The following ZNF385D variants were observed in gnomAD, a reference collection of about 807,000 sequenced individuals.
ZNF385D encodes zinc finger protein 385D.
ZNF385D carries 15 observed loss-of-function variants against 35.8 expected under a neutral mutation model. That is an observed-to-expected ratio of 0.42 (90% CI 0.28 to 0.64). The LOEUF (loss-of-function observed/expected upper bound fraction) is 0.64. ZNF385D is among the 30% of genes least tolerant of loss of function. The pLI is 0.23. For synonymous variants in ZNF385D, 212 were observed against 186.8 expected (o/e 1.13, Z -1.10); for missense variants, 474 against 494.6 (o/e 0.96, Z 0.39).
At chr3:22,190,612 C>A (rs1161506557) in intron 2 of ZNF385D, among the ~76,000 whole-genome samples, 1 of 152,102 alleles carries the variant, frequency 6.6e-6, no homozygotes, top group Non-Finnish European at 1.5e-5. Context: ...ATGGGACAAG[C>A]CAACTAGGAC....
intron 3 of ZNF385D, among the ~76,000 whole-genome samples, chr3:21,786,437 A>T (rs1575647812): frequency 6.6e-6 from 1 of 152,198 alleles, no homozygotes; most frequent in East Asian, 1.9e-4. Context: ...GATTTTAAAC[A>T]TACACAATTC....
At chr3:22,171,599 G>A (rs957783120) in intron 2 of ZNF385D, among the ~76,000 whole-genome samples, 10 of 152,046 alleles carry the variant, frequency 6.6e-5, no homozygotes, top group African/African-American at 1.9e-4. Context: ...ACAGATGCCC[G>A]GGCACGGTGG....
chr3:21,791,188 T>C (rs1457066502), intron 3 of ZNF385D, among the ~76,000 whole-genome samples: 1 of 152,208 alleles, frequency 6.6e-6, no homozygotes, highest in African/African-American at 2.4e-5. Flanking sequence ...CTGAGGTATG[T>C]AAAAAGAACA....
At chr3:22,271,969 G>A (rs1701200568) in intron 2 of ZNF385D, among the ~76,000 whole-genome samples, 1 of 151,946 alleles carries the variant, frequency 6.6e-6, no homozygotes, top group African/African-American at 2.4e-5. Context: ...TACACAGTAT[G>A]ATACTCTCTC....
intron 3 of ZNF385D, among the ~76,000 whole-genome samples, chr3:21,920,457 A>G (rs1679231): frequency 0.92 from 139,028 of 151,770 alleles, 63,774 homozygotes; most frequent in East Asian, 0.98. Context: ...TACAGACAGA[A>G]ATATTAGTAG....
chr3:21,735,397 A>G (rs2069197415), intron 1 of ZNF385D, among the ~76,000 whole-genome samples: 1 of 152,164 alleles, frequency 6.6e-6, no homozygotes, highest in African/African-American at 2.4e-5. Flanking sequence ...CTGGTTGCTT[A>G]TTCGGGCTAG....
intron 2 of ZNF385D, among the ~76,000 whole-genome samples, chr3:21,654,599 C>T (rs1455666036): frequency 6.6e-6 from 1 of 152,032 alleles, no homozygotes; most frequent in Admixed American, 6.6e-5. Context: ...TGCTTCTCAA[C>T]AATCTTTGCT....
At chr3:21,572,882 G>A (rs903621235) in intron 2 of ZNF385D, among the ~76,000 whole-genome samples, 1 of 152,022 alleles carries the variant, frequency 6.6e-6, no homozygotes, top group Non-Finnish European at 1.5e-5. Flanking sequence ...GATACATGAG[G>A]CACTGCCCAT....
At position 21,420,203 on chromosome 3, in the gene ZNF385D, ATGATATAAAGGG is replaced by A. The variant is rs1281874581; in HGVS notation, c.*999_*1010del. ...TTGCCTAAGAAACAACCCTACTGGT[ATGATATAAAGGG>A]GATACTGCAGAGATGCAACATTCTC... On this transcript the variant is annotated 3_prime_UTR_variant, in exon 8 of 8. Coordinates refer to ENST00000281523, the MANE Select transcript of ZNF385D (RefSeq NM_024697.3). 6.6e-6 allele frequency: 1 copy of A among 152,236 alleles called. No individual in the cohort carries two copies. Among genetic ancestry groups the A allele is most frequent in the Non-Finnish European group, 1.5e-5 (1 of 68,034 alleles). 9.4% of individuals were successfully genotyped at this position (152,236 alleles called of 1,614,324 possible).
intron 3 of ZNF385D, among the ~76,000 whole-genome samples, chr3:21,532,967 T>C (rs2125538826): frequency 6.6e-6 from 1 of 152,306 alleles, no homozygotes; most frequent in Non-Finnish European, 1.5e-5. Context: ...TTCACACAGG[T>C]CCAGAAATCT....
chr3:22,344,533 T>G (rs6782534), intron 2 of ZNF385D, among the ~76,000 whole-genome samples: 2 of 152,004 alleles, frequency 1.3e-5, no homozygotes, highest in African/African-American at 2.4e-5. Flanking sequence ...AGGACTACAG[T>G]TGCATACCAC....
intron 3 of ZNF385D, among the ~76,000 whole-genome samples, chr3:21,514,842 A>C (rs1707457253): frequency 1.3e-5 from 2 of 152,028 alleles, no homozygotes; most frequent in Non-Finnish European, 2.9e-5. Flanking sequence ...TTTTTCTTTT[A>C]ACACTTTAAA....
At chr3:21,827,085 T>C (rs1171667488) in intron 3 of ZNF385D, among the ~76,000 whole-genome samples, 2 of 152,174 alleles carry the variant, frequency 1.3e-5, no homozygotes, top group African/African-American at 2.4e-5. Context: ...TAAATACCTA[T>C]TTTACATAGT....
chr3:22,002,538 C>T (rs1222192703), intron 3 of ZNF385D, among the ~76,000 whole-genome samples: 3 of 152,058 alleles, frequency 2.0e-5, no homozygotes, highest in Admixed American at 1.3e-4. Context: ...CTATCTATTC[C>T]AAAAATTGAA....
At chr3:22,049,108 C>G (rs1444670528) in intron 3 of ZNF385D, among the ~76,000 whole-genome samples, 1 of 151,782 alleles carries the variant, frequency 6.6e-6, no homozygotes, top group Non-Finnish European at 1.5e-5. Flanking sequence ...ACCACCCTGA[C>G]CAACATGGTG....
intron 2 of ZNF385D, among the ~76,000 whole-genome samples, chr3:22,238,305 A>C (rs1220803219): frequency 2.7e-5 from 4 of 150,902 alleles, no homozygotes; most frequent in Admixed American, 6.6e-5. Flanking sequence ...GGTCCCTTGC[A>C]TTTCCATATG....
chr3:21,750,858 A>G lies in ZNF385D; in HGVS notation c.22+37T>C, dbSNP rs1361749055. On this transcript the variant is annotated intron_variant, in intron 1 of 7. Transcript: ENST00000281523. ...CTTGTCTGCACGGATGAAGAGCCGGACACCCCCAGAATTACATCATCAGAG... is the reference window on the plus strand; with the variant it reads ...CTTGTCTGCACGGATGAAGAGCCGGGCACCCCCAGAATTACATCATCAGAG... 6.8e-6 allele frequency: 11 copies of G among 1,613,102 alleles called. No homozygotes were observed. In the South Asian group the frequency reaches 1.1e-4, roughly 16 times the overall value.
At chr3:21,924,992 A>T (rs1700653049) in intron 3 of ZNF385D, among the ~76,000 whole-genome samples, 1 of 152,136 alleles carries the variant, frequency 6.6e-6, no homozygotes. Context: ...AAAACTGCAA[A>T]ACAATGATAA....
chr3:21,663,915 A>ATATATATATTTATT lies in ZNF385D; in HGVS notation c.165+970_165+971insAATAAATATATATA, dbSNP rs1159950305. 2.8e-3 allele frequency among the ~76,000 whole-genome samples: 292 copies of ATATATATATTTATT among 105,852 alleles called. 5 individuals are homozygous for ATATATATATTTATT. The highest frequency in any genetic ancestry group is 4.1e-3 in the Non-Finnish European group (212 of 51,988). 69.4% of individuals were successfully genotyped at this position (105,852 alleles called of 152,430 possible). On this transcript the variant is annotated intron_variant, in intron 2 of 7. Transcript: ENST00000281523. The stretch of plus-strand genomic sequence containing the variant: ...AATATATATATATATATATATATAT[A>ATATATATATTTATT]TATTTATTTATTTAAATCCATCATG...
Sources: allele counts gnomAD v4.1 joint callset (sites outside exome capture counted in the v4.1 genomes callset), GRCh38; gene constraint gnomAD v4.1.1; transcripts MANE v1.5; gene names NCBI Gene and HGNC (gene_info 2026-07-23, HGNC 2026-07-21).